CACNA2D3: variants seen among roughly 807,000 people sequenced by gnomAD.
CACNA2D3 encodes calcium voltage-gated channel auxiliary subunit alpha2delta 3, also known as voltage-dependent calcium channel subunit alpha-2/delta-3.
A neutral mutation model predicts 160.6 loss-of-function variants in CACNA2D3; 60 were observed. The observed-to-expected ratio is 0.37, with a 90% CI of 0.30 to 0.46. CACNA2D3 has a LOEUF of 0.46. Among genes scored for constraint, CACNA2D3 ranks in the 20% least tolerant of loss-of-function variants. CACNA2D3 has a pLI of 1.00. For missense variants in CACNA2D3, 1,205 were observed against 1,365.0 expected (o/e 0.88, Z 1.85); for synonymous variants, 558 against 492.9 (o/e 1.13, Z -1.75).
chr3:55,014,594 T>C (rs1703286431), intron 34 of CACNA2D3, among the ~76,000 whole-genome samples: 1 of 152,040 alleles, frequency 6.6e-6, no homozygotes, highest in South Asian at 2.1e-4. Flanking sequence ...TAGCCAAGCA[T>C]GATGGCGCGT....
chr3:54,302,005 T>C (rs1703487347), intron 2 of CACNA2D3, among the ~76,000 whole-genome samples: 2 of 152,222 alleles, frequency 1.3e-5, no homozygotes, highest in African/African-American at 4.8e-5. Flanking sequence ...CAAACAATTA[T>C]ACAGGAAACT....
chr3:54,735,008 G>C (rs988624532), intron 11 of CACNA2D3, among the ~76,000 whole-genome samples: 1 of 152,250 alleles, frequency 6.6e-6, no homozygotes, highest in African/African-American at 2.4e-5. Flanking sequence ...ACTACCTCCA[G>C]TCTTTCTCTG....
At chr3:54,331,585 T>G (rs894778475) in intron 3 of CACNA2D3, among the ~76,000 whole-genome samples, 1 of 152,252 alleles carries the variant, frequency 6.6e-6, no homozygotes, top group Admixed American at 6.5e-5. Context: ...TGCTATGCTT[T>G]GCATATATTA....
intron 11 of CACNA2D3, among the ~76,000 whole-genome samples, chr3:54,659,387 G>T (rs1313216365): frequency 6.6e-6 from 1 of 152,154 alleles, no homozygotes; most frequent in Non-Finnish European, 1.5e-5. Flanking sequence ...GCACTTTTAT[G>T]ATACAGATAT....
intron 24 of CACNA2D3, among the ~76,000 whole-genome samples, chr3:54,888,915 G>A (rs1405631777): frequency 1.3e-5 from 2 of 152,140 alleles, no homozygotes; most frequent in Admixed American, 1.3e-4. Flanking sequence ...TTAACATCAT[G>A]GCACCTGTGG....
intron 13 of CACNA2D3, 79 bp downstream of exon 13, chr3:54,764,430 T>C: frequency 6.5e-7 from 1 of 1,526,938 alleles, no homozygotes; most frequent in Non-Finnish European, 9.0e-7. Flanking sequence ...AAATAGCAAC[T>C]GTATCACTCT....
chr3:54,644,872 A>G (rs148340004), intron 11 of CACNA2D3, among the ~76,000 whole-genome samples: 2 of 152,304 alleles, frequency 1.3e-5, no homozygotes, highest in African/African-American at 4.8e-5. Flanking sequence ...TAGGGTTTAG[A>G]TACTCTGCAG....
chr3:54,868,365 T>G (rs956192219), intron 17 of CACNA2D3, among the ~76,000 whole-genome samples: 1 of 152,182 alleles, frequency 6.6e-6, no homozygotes, highest in Non-Finnish European at 1.5e-5. Flanking sequence ...CTACCCCCGA[T>G]CTGTATCTTG....
At chr3:54,435,119 A>G (rs544198456) in intron 4 of CACNA2D3, among the ~76,000 whole-genome samples, 4 of 152,262 alleles carry the variant, frequency 2.6e-5, no homozygotes, top group Admixed American at 2.6e-4. Context: ...CCCCAGCCCC[A>G]GTGTGAGTGG....
At chr3:54,707,416 C>A (rs1230808250) in intron 11 of CACNA2D3, among the ~76,000 whole-genome samples, 1 of 152,184 alleles carries the variant, frequency 6.6e-6, no homozygotes, top group Non-Finnish European at 1.5e-5. Flanking sequence ...CCTGGCTCAT[C>A]CTGCCATCAA....
chr3:54,158,205 G>A (rs1251755613), intron 2 of CACNA2D3, among the ~76,000 whole-genome samples: 1 of 152,216 alleles, frequency 6.6e-6, no homozygotes, highest in Non-Finnish European at 1.5e-5. Flanking sequence ...TCTAGGGGGT[G>A]TATTTTCGAG....
At chr3:54,667,678 C>G (rs1235249362) in intron 11 of CACNA2D3, among the ~76,000 whole-genome samples, 1 of 152,182 alleles carries the variant, frequency 6.6e-6, no homozygotes, top group Non-Finnish European at 1.5e-5. Context: ...GGTGCCGTGG[C>G]TCACGCCTGT....
Position 55,061,167 on chromosome 3 carries a change from A to G in CACNA2D3, c.2988-12278A>G, listed in dbSNP as rs139839423. 2.2e-3 allele frequency among the ~76,000 whole-genome samples: 328 copies of G among 152,360 alleles called. 2 individuals carry two copies. The highest frequency in any genetic ancestry group is 7.6e-3 in the African/African-American group (315 of 41,594). On this transcript the variant is annotated intron_variant, in intron 35 of 37. Transcript: ENST00000474759. ...TTCTGGCTTTTTGTGTGCTTTCTCCATCAGCAAGTCACAAATGGAATGCCT... is the reference window on the plus strand; with the variant it reads ...TTCTGGCTTTTTGTGTGCTTTCTCCGTCAGCAAGTCACAAATGGAATGCCT...
At chr3:54,930,902 G>A (rs147528876) in intron 27 of CACNA2D3, among the ~76,000 whole-genome samples, 2 of 152,252 alleles carry the variant, frequency 1.3e-5, no homozygotes, top group East Asian at 3.9e-4. Context: ...TTCGAGACCA[G>A]CCTGGCCAAC....
At chr3:54,627,987 C>T (rs1699159184) in intron 10 of CACNA2D3, 111 bp downstream of exon 10, 1 of 729,010 alleles carries the variant, frequency 1.4e-6, no homozygotes, top group Non-Finnish European at 2.4e-6. Context: ...AATCCCAGCC[C>T]TTTGGGAGGC....
intron 2 of CACNA2D3, among the ~76,000 whole-genome samples, chr3:54,309,902 C>T (rs1703698421): frequency 6.6e-6 from 1 of 151,880 alleles, no homozygotes; most frequent in Non-Finnish European, 1.5e-5. Context: ...GGGGCTGAGC[C>T]ACTCCCTGCA....
chr3:54,204,796 G>GAAAAAAAAAAAAAAAAAAA (rs57129457), intron 2 of CACNA2D3, among the ~76,000 whole-genome samples: 2 of 74,076 alleles, frequency 2.7e-5, no homozygotes, highest in African/African-American at 4.0e-5. Context: ...ATGCTGTCTT[G>GAAAAAAAAAAAAAAAAAAA]AAAAAAAAAA....
chr3:54,348,194 C>G (rs541951417), intron 3 of CACNA2D3, among the ~76,000 whole-genome samples: 2 of 152,180 alleles, frequency 1.3e-5, no homozygotes, highest in East Asian at 1.9e-4. Context: ...AACCACAGAC[C>G]CCTTTGCTGC....
At chr3:54,415,676 T>C (rs1699742516) in intron 4 of CACNA2D3, among the ~76,000 whole-genome samples, 1 of 152,194 alleles carries the variant, frequency 6.6e-6, no homozygotes, top group South Asian at 2.1e-4. Context: ...AGACATTATT[T>C]CATTTATTCT....
Sources: gnomAD v4.1 joint callset for allele counts (sites outside exome capture counted in the v4.1 genomes callset) on GRCh38, gnomAD v4.1.1 for gene constraint, MANE v1.5 for transcripts, NCBI Gene and HGNC (gene_info 2026-07-23, HGNC 2026-07-21) for gene names.